RNF38: variants seen among roughly 807,000 people sequenced by gnomAD.
RNF38 encodes the protein ring finger protein 38, also known as E3 ubiquitin-protein ligase RNF38.
In RNF38, 15 loss-of-function variants were observed where a neutral mutation model predicts 67.2. The ratio of observed to expected loss-of-function variants is 0.22; its 90% CI spans 0.15 to 0.34. The LOEUF is 0.34. RNF38 is among the 10% of genes least tolerant of loss of function. The pLI is 1.00. For synonymous variants in RNF38, 220 were observed against 218.8 expected (o/e 1.01, Z -0.05); for missense variants, 524 against 639.9 (o/e 0.82, Z 1.95).
At chr9:36,381,480 A>G (rs1328091058) in intron 2 of RNF38, among the ~76,000 whole-genome samples, 4 of 152,186 alleles carry the variant, frequency 2.6e-5, no homozygotes, top group African/African-American at 9.7e-5. Flanking sequence ...AACAGAATGG[A>G]CTTTTTGTGA....
Position 36,352,726 on chromosome 9 carries a change from A to G in RNF38, c.1178+16T>C. Reference sequence around the variant, plus strand: ...GTTTCAAAATTCAGAAATCATTAAGATAAGAAAGAACTTACAACACATATG... The same window carrying G: ...GTTTCAAAATTCAGAAATCATTAAGGTAAGAAAGAACTTACAACACATATG... On this transcript the variant is annotated intron_variant, in intron 8 of 11. Transcript: ENST00000259605. 6.5e-6 allele frequency: 10 copies of G among 1,549,642 alleles called. No individual in the cohort carries two copies. The highest frequency in any genetic ancestry group is 8.0e-6 in the Non-Finnish European group (9 of 1,121,360).
At chr9:36,401,202 G>A, upstream of RNF38, 4 of 948,762 alleles carry the variant, frequency 4.2e-6, no homozygotes, top group Non-Finnish European at 5.0e-6. Flanking sequence ...GGGGAAGGGG[G>A]CGGGGCGGGG....
At chr9:36,403,296 G>A (rs910469557), upstream of RNF38, among the ~76,000 whole-genome samples, 11 of 152,314 alleles carry the variant, frequency 7.2e-5, no homozygotes, top group African/African-American at 2.6e-4. Flanking sequence ...TCCCACTGCA[G>A]AACTAATAGA....
intron 1 of RNF38, among the ~76,000 whole-genome samples, chr9:36,444,115 C>T (rs961681171): frequency 3.9e-5 from 6 of 152,242 alleles, no homozygotes; most frequent in African/African-American, 1.2e-4. Context: ...TCAAAACACT[C>T]TGAGGGCCAA....
intron 1 of RNF38, among the ~76,000 whole-genome samples, chr9:36,394,784 C>A (rs925123163): frequency 1.3e-5 from 2 of 152,186 alleles, no homozygotes; most frequent in East Asian, 3.8e-4. Flanking sequence ...TTTTTATAAT[C>A]TAGTTTGATT....
intron 11 of RNF38, 28 bp from the exon 12 acceptor site, chr9:36,339,842 A>G: frequency 6.4e-7 from 1 of 1,568,958 alleles, no homozygotes; most frequent in Non-Finnish European, 8.7e-7. Flanking sequence ...AAACTTGTTT[A>G]AATTGTGACA....
intron 7 of RNF38, 128 bp downstream of exon 7, chr9:36,353,042 A>T: frequency 1.1e-6 from 1 of 891,872 alleles, no homozygotes; most frequent in Non-Finnish European, 1.7e-6. Flanking sequence ...ATTTCTAAAT[A>T]TAACTTTCCA....
At chr9:36,371,600 C>A (rs1298648216) in intron 3 of RNF38, among the ~76,000 whole-genome samples, 1 of 151,920 alleles carries the variant, frequency 6.6e-6, no homozygotes, top group Non-Finnish European at 1.5e-5. Flanking sequence ...ATGTCCACCA[C>A]CAAGCCCAGT....
At chr9:36,341,064 A>G (rs1587450361) in intron 11 of RNF38, among the ~76,000 whole-genome samples, 1 of 152,244 alleles carries the variant, frequency 6.6e-6, no homozygotes, top group South Asian at 2.1e-4. Context: ...ATCCTTCTAT[A>G]AAACAGTCTG....
chr9:36,453,318 A>C (rs1009903057), intron 1 of RNF38, among the ~76,000 whole-genome samples: 12 of 151,856 alleles, frequency 7.9e-5, no homozygotes, highest in Non-Finnish European at 1.3e-4. Flanking sequence ...GAACTCAAGC[A>C]ATCTTGCTGC....
chr9:36,381,323 G>C (rs1836194896), intron 2 of RNF38, among the ~76,000 whole-genome samples: 1 of 152,030 alleles, frequency 6.6e-6, no homozygotes, highest in Non-Finnish European at 1.5e-5. Flanking sequence ...CTTGACTACA[G>C]AGACCCCAGA....
chr9:36,343,116 G>C (rs1262705271), intron 10 of RNF38, among the ~76,000 whole-genome samples: 1 of 151,948 alleles, frequency 6.6e-6, no homozygotes, highest in East Asian at 1.9e-4. Context: ...TTTGTACTAT[G>C]TATTGCTCTA....
chr9:36,478,931 T>C (rs556160039), intron 1 of RNF38, among the ~76,000 whole-genome samples: 5 of 152,042 alleles, frequency 3.3e-5, no homozygotes, highest in African/African-American at 1.2e-4. Flanking sequence ...TAAGGCAAAG[T>C]AGACCCAGAT....
rs545816121 is a variant in RNF38 at position 36,414,468 on chromosome 9, T to C, written n.312+10145A>G. Among the ~76,000 whole-genome samples, 3 of 152,232 alleles carry C rather than the reference T, an allele frequency of 2.0e-5. No individual in the cohort carries two copies. In the South Asian group the frequency reaches 6.2e-4, roughly 32 times the overall value. On this transcript the variant is annotated intron_variant and non_coding_transcript_variant, in intron 2 of 3. Coordinates refer to the RNF38 transcript ENST00000488058. The stretch of plus-strand genomic sequence containing the variant: ...GGGAGGCTGAGGGGGGCAGATCACC[T>C]GAGGTTGGGAGTTCGAGACCAGCCT...
chr9:36,418,656 C>T (rs573051609), intron 2 of RNF38, among the ~76,000 whole-genome samples: 1 of 152,132 alleles, frequency 6.6e-6, no homozygotes, highest in South Asian at 2.1e-4. Flanking sequence ...TGTGGTGGTA[C>T]GCGCCTGTAA....
At chr9:36,436,745 C>T (rs1383804906) in intron 1 of RNF38, among the ~76,000 whole-genome samples, 1 of 148,726 alleles carries the variant, frequency 6.7e-6, no homozygotes, top group East Asian at 2.0e-4. Flanking sequence ...ATGGCGTGGA[C>T]CCGGGAGGTG....
At chr9:36,346,988 C>T (rs933669853) in intron 9 of RNF38, among the ~76,000 whole-genome samples, 7 of 151,748 alleles carry the variant, frequency 4.6e-5, no homozygotes, top group African/African-American at 1.7e-4. Flanking sequence ...GGCATGGTGG[C>T]GTGCACCTGT....
chr9:36,409,942 T>C (rs373438598), intron 2 of RNF38, among the ~76,000 whole-genome samples: 2 of 152,196 alleles, frequency 1.3e-5, no homozygotes, highest in Admixed American at 6.5e-5. Flanking sequence ...TAAGCTTCCA[T>C]AGGAAGCTTA....
At chr9:36,341,779 A>G (rs1832849833) in intron 11 of RNF38, among the ~76,000 whole-genome samples, 2 of 105,358 alleles carry the variant, frequency 1.9e-5, no homozygotes, top group African/African-American at 7.5e-5. Context: ...TGACACACTG[A>G]GACCCTGTTT....
Sources: allele counts gnomAD v4.1 joint callset (sites outside exome capture counted in the v4.1 genomes callset), GRCh38; gene constraint gnomAD v4.1.1; transcripts MANE v1.5; gene names NCBI Gene and HGNC (gene_info 2026-07-23, HGNC 2026-07-21).